TRIP12: variants seen among roughly 807,000 people sequenced by gnomAD.
TRIP12 encodes E3 ubiquitin-protein ligase TRIP12.
Under a neutral mutation model 244.2 loss-of-function variants are expected in TRIP12, and 25 were observed. The ratio of observed to expected loss-of-function variants is 0.10; its 90% CI spans 0.07 to 0.14. The LOEUF (loss-of-function observed/expected upper bound fraction) is 0.14. Among genes scored for constraint, TRIP12 ranks in the 10% least tolerant of loss-of-function variants. The pLI is 1.00. For missense variants in TRIP12, 1,677 were observed against 2,486.4 expected (o/e 0.67, Z 6.92); for synonymous variants, 905 against 873.1 (o/e 1.04, Z -0.64).
chr2:229,922,440 G>C, upstream of TRIP12: 2 of 1,399,422 alleles, frequency 1.4e-6, no homozygotes, highest in Non-Finnish European at 2.0e-6. Context: ...ATTTAAACTA[G>C]GGTTTTGGCC....
At chr2:229,830,110 A>C (rs901092419) in intron 7 of TRIP12, among the ~76,000 whole-genome samples, 5 of 152,184 alleles carry the variant, frequency 3.3e-5, no homozygotes, top group Non-Finnish European at 7.3e-5. Flanking sequence ...ATGAGATAAA[A>C]ATACATACCC....
intron 9 of TRIP12, among the ~76,000 whole-genome samples, chr2:229,817,723 A>T (rs2048857569): frequency 6.6e-6 from 1 of 152,096 alleles, no homozygotes; most frequent in South Asian, 2.1e-4. Context: ...CCTCCTGAGT[A>T]GCTGAGATCT....
intron 6 of TRIP12, among the ~76,000 whole-genome samples, chr2:229,833,763 T>C (rs2054055134): frequency 6.6e-6 from 1 of 152,176 alleles, no homozygotes; most frequent in Non-Finnish European, 1.5e-5. Flanking sequence ...TATCTAATTT[T>C]GTAAAACATA....
intron 34 of TRIP12, among the ~76,000 whole-genome samples, chr2:229,783,566 G>T (rs2038990567): frequency 6.6e-6 from 1 of 152,030 alleles, no homozygotes; most frequent in African/African-American, 2.4e-5. Flanking sequence ...AAAACATTTG[G>T]AGCGAAACAA....
In TRIP12 at chr2:229,787,677, A is replaced by G. The variant is rs752765376; in HGVS notation, c.4839-16T>C. ...GAAAAATGGGCTGTAAAAAGATGCA[A>G]TGTAAGTTTATTATCTGGATGAGAA... On this transcript the variant is annotated splice_polypyrimidine_tract_variant and intron_variant, in intron 32 of 41. Transcript: ENST00000675903. The G allele has an allele frequency of 1.6e-5, 25 of 1,577,754 alleles. No individual in the cohort carries two copies. In the Admixed American group the frequency reaches 4.2e-4, roughly 27 times the overall value.
chr2:229,813,953 T>C lies in TRIP12; in HGVS notation c.1903A>G (p.Asn635Asp), dbSNP rs1307013738. ...TCTGGCGTGATACTCTGGCAGCAAT[T>C]AGCTGCAATTGCTAATGCATTTCTT... is the stretch of plus-strand genomic sequence containing the variant. ...AQRNALAIAA[N>D]CCQSITPDEF... Residue 635 changes from asparagine (N) to aspartate (D), a missense_variant, in exon 13 of 42, where the codon AAT becomes GAT. Asn to Asp is a conservative substitution (Grantham distance 23, BLOSUM62 1). Around this residue, in one of 11 missense-constraint regions of TRIP12, gnomAD observed 572 missense variants for 867.8 expected, o/e 0.66. Coordinates refer to ENST00000675903, the MANE Select transcript of TRIP12 (RefSeq NM_001348323.3). 6.3e-7 allele frequency: 1 copy of C among 1,599,622 alleles called. No homozygotes were observed. The highest frequency in any genetic ancestry group is 8.6e-7 in the Non-Finnish European group (1 of 1,168,706).
chr2:229,843,085 CCTCCTTCTCTCTCTCCCTCCCTCT>C (rs2056850749), intron 4 of TRIP12, among the ~76,000 whole-genome samples: 1 of 137,392 alleles, frequency 7.3e-6, no homozygotes, highest in African/African-American at 2.7e-5. Flanking sequence ...TCCCTCCCTC[CCTCCTTCTCTCTCTCCCTCCCTCT>C]CTCCCCACCC....
intron 5 of TRIP12, among the ~76,000 whole-genome samples, chr2:229,837,489 G>T (rs951235707): frequency 1.3e-5 from 2 of 152,062 alleles, no homozygotes; most frequent in Non-Finnish European, 2.9e-5. Flanking sequence ...ACAAAAATTA[G>T]CCAGGTGTGG....
At chr2:229,847,310 A>G (rs1261383198) in intron 4 of TRIP12, among the ~76,000 whole-genome samples, 1 of 152,336 alleles carries the variant, frequency 6.6e-6, no homozygotes, top group East Asian at 1.9e-4. Context: ...AATTTAACGG[A>G]CATCAAATGT....
chr2:229,840,985 A>C lies in TRIP12; in HGVS notation c.1028-58T>G, dbSNP rs960697569. The C allele has an allele frequency of 2.4e-6, 3 of 1,270,248 alleles. No homozygotes were observed. The African/African-American group carries it at 4.6e-5, about 19-fold the overall frequency. 78.7% of individuals were successfully genotyped at this position (1,270,248 alleles called of 1,614,324 possible). A position where few individuals can be genotyped will look rare whatever the true frequency, so the allele number is the denominator to read the frequency against. ...TAATGAGAAATTATCACTAATTAAA[A>C]ATTATAAAATTCTTCAGGTCATCAT... On this transcript the variant is annotated intron_variant, in intron 4 of 41. Transcript: ENST00000675903.
In TRIP12 at chr2:229,804,072, C is replaced by A. The variant is rs1448356876; in HGVS notation, c.2806G>T (p.Ala936Ser). ...GCAAAATAAATTATCCTAAGAATTGCTCTAAGGCACTTATGTCTGACCGCA... is the reference window on the plus strand; with the variant it reads ...GCAAAATAAATTATCCTAAGAATTGATCTAAGGCACTTATGTCTGACCGCA... ...GPAVRHKCLR[A>S]ILRIIYFADA... The change falls in exon 19 of 42, where the codon GCA becomes TCA. Residue 936 changes from alanine to serine, a missense_variant. By Grantham distance (99) the Ala-to-Ser change is moderately conservative (BLOSUM62 1). Coordinates refer to ENST00000675903, the MANE Select transcript of TRIP12 (RefSeq NM_001348323.3). 6.2e-7 allele frequency: 1 copy of A among 1,613,980 alleles called. No individual in the cohort carries two copies. Among genetic ancestry groups the A allele is most frequent in the Non-Finnish European group, 8.5e-7 (1 of 1,180,008 alleles).
chr2:229,797,836 A>T lies in TRIP12; in HGVS notation c.3483-5T>A, dbSNP rs771447144. On this transcript the variant is annotated splice_region_variant and splice_polypyrimidine_tract_variant and intron_variant, in intron 23 of 41. Transcript: ENST00000675903. ...ATCCAACCTTTAATTTTTTCTCTAC[A>T]AGAAACAAAAAGGAGATATTAAAGT... The T allele has an allele frequency of 6.2e-7, 1 of 1,612,342 alleles. No individual in the cohort carries two copies. Among genetic ancestry groups the T allele is most frequent in the Non-Finnish European group, 8.5e-7 (1 of 1,179,176 alleles).
At chr2:229,870,576 T>C (rs1378706236) in intron 2 of TRIP12, among the ~76,000 whole-genome samples, 2 of 152,190 alleles carry the variant, frequency 1.3e-5, no homozygotes, top group African/African-American at 4.8e-5. Flanking sequence ...CTTGAAAGAC[T>C]GGCAGAATTT....
chr2:229,827,325 G>T (rs2051955520), intron 8 of TRIP12, among the ~76,000 whole-genome samples: 1 of 151,452 alleles, frequency 6.6e-6, no homozygotes, highest in Non-Finnish European at 1.5e-5. Context: ...TTAGTTTCCT[G>T]TAACTTTTTT....
chr2:229,857,964 A>G (rs2059887510), intron 4 of TRIP12, among the ~76,000 whole-genome samples: 1 of 152,242 alleles, frequency 6.6e-6, no homozygotes, highest in Admixed American at 6.5e-5. Flanking sequence ...AAAACTCCTT[A>G]AAAGACTGTG....
chr2:229,893,061 G>A (rs900834392), intron 1 of TRIP12, among the ~76,000 whole-genome samples: 2 of 152,092 alleles, frequency 1.3e-5, no homozygotes, highest in African/African-American at 4.8e-5. Context: ...TCCCCTGCAT[G>A]CAGATTATAA....
At chr2:229,818,210 G>C (rs776586423) in intron 9 of TRIP12, among the ~76,000 whole-genome samples, 154 bp downstream of exon 9, 3 of 152,168 alleles carry the variant, frequency 2.0e-5, no homozygotes, top group Non-Finnish European at 4.4e-5. Context: ...CACAGTATCT[G>C]TAAGCATGAA....
chr2:229,819,693 C>G (rs1313101996), intron 8 of TRIP12, among the ~76,000 whole-genome samples: 1 of 152,152 alleles, frequency 6.6e-6, no homozygotes, highest in African/African-American at 2.4e-5. Context: ...CTTCTTACAC[C>G]TTTTCAAGTT....
intron 1 of TRIP12, among the ~76,000 whole-genome samples, chr2:229,898,354 A>C (rs2069504144): frequency 6.6e-6 from 1 of 152,250 alleles, no homozygotes; most frequent in Non-Finnish European, 1.5e-5. Flanking sequence ...ACAGCGCACG[A>C]AGTAACAACA....
Sources: allele counts gnomAD v4.1 joint callset (sites outside exome capture counted in the v4.1 genomes callset), GRCh38; gene constraint gnomAD v4.1.1; regional missense constraint gnomAD v4.1.1; transcripts MANE v1.5; gene names NCBI Gene and HGNC (gene_info 2026-07-23, HGNC 2026-07-21).